The following JAZF1 variants were observed in gnomAD, a reference collection of about 807,000 sequenced individuals.
JAZF1 encodes JAZF zinc finger 1, also known as juxtaposed with another zinc finger protein 1.
JAZF1 carries 8 observed loss-of-function variants against 26.4 expected under a neutral mutation model. The ratio of observed to expected loss-of-function variants is 0.30; its 90% CI spans 0.18 to 0.55. JAZF1 has a LOEUF of 0.55. JAZF1 is among the 20% of genes least tolerant of loss of function. JAZF1 has a pLI of 0.94. For synonymous variants in JAZF1, 126 were observed against 122.3 expected (o/e 1.03, Z -0.20); for missense variants, 199 against 322.0 (o/e 0.62, Z 2.92).
At chr7:28,125,437 G>A (rs1028314862) in intron 1 of JAZF1, among the ~76,000 whole-genome samples, 3 of 152,090 alleles carry the variant, frequency 2.0e-5, no homozygotes, top group African/African-American at 4.8e-5. Context: ...GATAGAAACC[G>A]GTTTTTAATG....
At chr7:28,095,422 A>AG (rs930007561) in intron 1 of JAZF1, among the ~76,000 whole-genome samples, 2 of 152,136 alleles carry the variant, frequency 1.3e-5, no homozygotes, top group Non-Finnish European at 2.9e-5. Flanking sequence ...TGCCAAGTGA[A>AG]GGGGGAGGAG....
chr7:28,126,312 A>G (rs916293717), intron 1 of JAZF1, among the ~76,000 whole-genome samples: 2 of 152,074 alleles, frequency 1.3e-5, no homozygotes, highest in African/African-American at 4.8e-5. Flanking sequence ...AAAAGTTCCT[A>G]CTCTCACCCT....
chr7:28,140,702 T>A (rs73089295), intron 1 of JAZF1, among the ~76,000 whole-genome samples: 5,410 of 152,292 alleles, frequency 0.036, 104 homozygotes, highest in East Asian at 0.074. Flanking sequence ...GTACAACACA[T>A]TGAATTAAAG....
At chr7:27,982,566 C>A (rs1220037437) in intron 2 of JAZF1, among the ~76,000 whole-genome samples, 1 of 152,210 alleles carries the variant, frequency 6.6e-6, no homozygotes, top group African/African-American at 2.4e-5. Flanking sequence ...CTTCTGCAGA[C>A]TTAAACGTCC....
rs189856260 is a variant in JAZF1, at chr7:27,995,861, T to C, written c.116-3880A>G. 2.8e-3 allele frequency among the ~76,000 whole-genome samples: 425 copies of C among 152,248 alleles called. 2 individuals carry two copies. Among genetic ancestry groups the C allele is most frequent in the African/African-American group, 9.7e-3 (403 of 41,558 alleles). ...CTGGGGGTCACAGCACTAGCTCCCATTGCTTCTCAAGTGGCAAGGAAACAG... is the reference window on the plus strand; with the variant it reads ...CTGGGGGTCACAGCACTAGCTCCCACTGCTTCTCAAGTGGCAAGGAAACAG... On this transcript the variant is annotated intron_variant, in intron 1 of 4. Transcript: ENST00000283928.
intron 1 of JAZF1, among the ~76,000 whole-genome samples, chr7:28,077,142 G>A (rs562083932): frequency 1.3e-5 from 2 of 152,186 alleles, no homozygotes; most frequent in East Asian, 1.9e-4. Flanking sequence ...TTATAACACC[G>A]GCACTTTACA....
At chr7:27,974,089 T>C (rs1198853025) in intron 2 of JAZF1, among the ~76,000 whole-genome samples, 3 of 151,862 alleles carry the variant, frequency 2.0e-5, no homozygotes, top group African/African-American at 7.3e-5. Context: ...TTAAACATAG[T>C]ATGAATCAAA....
intron 1 of JAZF1, among the ~76,000 whole-genome samples, chr7:28,166,113 C>CAT (rs148796026): frequency 5.4e-4 from 66 of 122,896 alleles, no homozygotes; most frequent in South Asian, 1.6e-3. Context: ...CCCTTGGTTA[C>CAT]ATATATATAT....
chr7:28,130,289 C>T (rs187365713), intron 1 of JAZF1, among the ~76,000 whole-genome samples: 2 of 152,088 alleles, frequency 1.3e-5, no homozygotes. Context: ...AAAGACTCTA[C>T]TGGAAAAAAA....
At chr7:28,154,807 C>T (rs573461103) in intron 1 of JAZF1, among the ~76,000 whole-genome samples, 18 of 151,022 alleles carry the variant, frequency 1.2e-4, no homozygotes, top group Non-Finnish European at 2.2e-4. Flanking sequence ...CTATTTCCTA[C>T]TAAGATGATG....
chr7:28,132,633 T>TTCA (rs1466573849), intron 1 of JAZF1, among the ~76,000 whole-genome samples: 1 of 152,174 alleles, frequency 6.6e-6, no homozygotes, highest in African/African-American at 2.4e-5. Context: ...ATGATGACCC[T>TTCA]TCATCATTAG....
chr7:27,902,756 C>T (rs991038610), intron 2 of JAZF1, among the ~76,000 whole-genome samples: 1 of 152,178 alleles, frequency 6.6e-6, no homozygotes, highest in African/African-American at 2.4e-5. Context: ...GTGGCTCACG[C>T]CTGTAATCCC....
In JAZF1 at chr7:28,160,135, A is replaced by G. The variant is rs567725544; in HGVS notation, c.115+20328T>C. Among the ~76,000 whole-genome samples the G allele has an allele frequency of 4.6e-5, 7 of 152,272 alleles. No homozygotes were observed. The South Asian group carries it at 1.5e-3, about 32-fold the overall frequency. ...CAGATTACATATAGGACATCAACAGATGCACAGTTTATCTGTGGTATTAAA... is the reference window on the plus strand; with the variant it reads ...CAGATTACATATAGGACATCAACAGGTGCACAGTTTATCTGTGGTATTAAA... On this transcript the variant is annotated intron_variant, in intron 1 of 4. Coordinates refer to ENST00000283928, the MANE Select transcript of JAZF1 (RefSeq NM_175061.4).
rs532379453 is a variant in JAZF1, at chr7:27,919,738, G to A, written c.189-24322C>T. Among the ~76,000 whole-genome samples, 110 of 152,304 alleles carry A rather than the reference G, an allele frequency of 7.2e-4. 1 individual carries two copies. In the South Asian group the frequency reaches 0.022, roughly 30 times the overall value. On this transcript the variant is annotated intron_variant, in intron 2 of 4. Coordinates refer to ENST00000283928, the MANE Select transcript of JAZF1 (RefSeq NM_175061.4). The stretch of plus-strand genomic sequence containing the variant: ...TACAGGAGTGCTCTGGAACGCCAAG[G>A]AAGATTGGACCAGCAGTCCAATTCT...
chr7:27,938,400 C>A (rs940886163), intron 2 of JAZF1, among the ~76,000 whole-genome samples: 1 of 152,218 alleles, frequency 6.6e-6, no homozygotes, highest in African/African-American at 2.4e-5. Context: ...CTCTGAAAAT[C>A]TGTTTCTCTG....
chr7:27,932,002 C>T (rs1302588427), intron 2 of JAZF1, among the ~76,000 whole-genome samples: 2 of 152,200 alleles, frequency 1.3e-5, no homozygotes, highest in Non-Finnish European at 2.9e-5. Context: ...CTCCCTGGTT[C>T]ATCATGGGCT....
intron 2 of JAZF1, among the ~76,000 whole-genome samples, chr7:27,978,912 A>G (rs1785523448): frequency 6.7e-6 from 1 of 149,238 alleles, no homozygotes; most frequent in African/African-American, 2.5e-5. Context: ...GGAGAAAGGC[A>G]GGGGAGAGGG....
intron 1 of JAZF1, among the ~76,000 whole-genome samples, chr7:28,137,773 C>T (rs1254544277): frequency 1.3e-5 from 2 of 152,206 alleles, no homozygotes; most frequent in African/African-American, 4.8e-5. Context: ...CATCTGGCAA[C>T]TGAGAGCCCA....
At chr7:27,874,669 A>G (rs1783643125) in intron 3 of JAZF1, among the ~76,000 whole-genome samples, 1 of 152,100 alleles carries the variant, frequency 6.6e-6, no homozygotes, top group South Asian at 2.1e-4. Context: ...AGGAGAAAAG[A>G]GCAAAGAAGC....
Sources: gnomAD v4.1 joint callset for allele counts (sites outside exome capture counted in the v4.1 genomes callset) on GRCh38, gnomAD v4.1.1 for gene constraint, MANE v1.5 for transcripts, NCBI Gene and HGNC (gene_info 2026-07-23, HGNC 2026-07-21) for gene names.